The following STAG1 variants were observed in gnomAD, a reference collection of about 807,000 sequenced individuals.
STAG1 encodes the protein cohesin subunit SA-1.
In STAG1, 26 loss-of-function variants were observed where a neutral mutation model predicts 170.9. That is an observed-to-expected ratio of 0.15 (90% CI 0.11 to 0.21). The LOEUF is 0.21. STAG1 is among the 10% of genes least tolerant of loss of function. STAG1 has a pLI of 1.00. For synonymous variants in STAG1, 514 were observed against 497.7 expected (o/e 1.03, Z -0.44); for missense variants, 964 against 1,509.5 (o/e 0.64, Z 5.99).
intron 1 of STAG1, among the ~76,000 whole-genome samples, chr3:136,707,112 G>C (rs1331499768): frequency 6.6e-6 from 1 of 152,160 alleles, no homozygotes; most frequent in Non-Finnish European, 1.5e-5. Flanking sequence ...AAACTCTTAA[G>C]AGAAAACATA....
chr3:136,362,605 C>CAAAAAAAAAAAAAAAAAA (rs1237413699), intron 26 of STAG1, among the ~76,000 whole-genome samples: 10 of 42,324 alleles, frequency 2.4e-4, no homozygotes, highest in Non-Finnish European at 3.5e-4. Flanking sequence ...ATCATCTCTG[C>CAAAAAAAAAAAAAAAAAA]AAAAAAAAAA....
intron 1 of STAG1, among the ~76,000 whole-genome samples, chr3:136,728,977 T>C (rs888409871): frequency 6.6e-6 from 1 of 152,116 alleles, no homozygotes; most frequent in African/African-American, 2.4e-5. Flanking sequence ...GTCTCTTCTG[T>C]AAAGATTCTT....
chr3:136,489,132 A>G (rs2090073534), intron 9 of STAG1, among the ~76,000 whole-genome samples: 1 of 152,252 alleles, frequency 6.6e-6, no homozygotes, highest in Non-Finnish European at 1.5e-5. Flanking sequence ...CTAGAAAAGA[A>G]TAATTCAGGT....
intron 1 of STAG1, among the ~76,000 whole-genome samples, chr3:136,751,817 G>A (rs1051720805): frequency 6.7e-6 from 1 of 149,216 alleles, no homozygotes; most frequent in Non-Finnish European, 1.5e-5. Flanking sequence ...GCGGGGGGGG[G>A]CGGAGGGCGG....
intron 20 of STAG1, among the ~76,000 whole-genome samples, 153 bp downstream of exon 20, chr3:136,420,940 T>G (rs1559790823): frequency 6.6e-6 from 1 of 152,250 alleles, no homozygotes; most frequent in East Asian, 1.9e-4. Context: ...GACACTCTCA[T>G]GCCCAATTTT....
chr3:136,417,188 G>T (rs769484528), intron 21 of STAG1, among the ~76,000 whole-genome samples: 5 of 152,012 alleles, frequency 3.3e-5, no homozygotes, highest in Non-Finnish European at 5.9e-5. Context: ...TGTATCTGTT[G>T]AAATTCTTAC....
chr3:136,505,985 T>A (rs1268207132), intron 7 of STAG1, among the ~76,000 whole-genome samples: 3 of 152,078 alleles, frequency 2.0e-5, no homozygotes, highest in African/African-American at 7.2e-5. Flanking sequence ...AGAAGATACT[T>A]AAAAGGAAGG....
At chr3:136,625,000 T>A (rs1940034409) in intron 2 of STAG1, among the ~76,000 whole-genome samples, 1 of 152,206 alleles carries the variant, frequency 6.6e-6, no homozygotes, top group African/African-American at 2.4e-5. Context: ...GTTAACTTTT[T>A]AAAACAGATA....
chr3:136,376,431 G>A (rs1270914715), intron 23 of STAG1, among the ~76,000 whole-genome samples: 1 of 151,874 alleles, frequency 6.6e-6, no homozygotes, highest in East Asian at 1.9e-4. Context: ...CAAGAGATGA[G>A]GAATCTATCA....
intron 14 of STAG1, among the ~76,000 whole-genome samples, chr3:136,449,899 G>GC (rs1025521660): frequency 1.6e-5 from 2 of 127,838 alleles, no homozygotes; most frequent in Non-Finnish European, 3.3e-5. Flanking sequence ...AACTATTGTT[G>GC]CTTTTTTTTT....
intron 5 of STAG1, among the ~76,000 whole-genome samples, chr3:136,549,340 CA>C (rs1936289832): frequency 6.6e-6 from 1 of 151,472 alleles, no homozygotes; most frequent in Non-Finnish European, 1.5e-5. Context: ...GACAGAGTTT[CA>C]CACTTGTCAC....
intron 20 of STAG1, among the ~76,000 whole-genome samples, chr3:136,418,825 G>T (rs2087859770): frequency 6.6e-6 from 1 of 151,926 alleles, no homozygotes. Context: ...TATTTTTGTA[G>T]ACATGGGGTT....
chr3:136,513,997 T>C (rs1285396915), intron 7 of STAG1, among the ~76,000 whole-genome samples: 1 of 152,070 alleles, frequency 6.6e-6, no homozygotes, highest in Non-Finnish European at 1.5e-5. Flanking sequence ...GCTTCACAAG[T>C]ACACATGACA....
In STAG1 at chr3:136,474,626, G is replaced by A. The variant is rs531020548; in HGVS notation, c.1027-989C>T. Among the ~76,000 whole-genome samples the A allele has an allele frequency of 2.6e-5, 4 of 152,302 alleles. No homozygotes were observed. The South Asian group carries it at 8.3e-4, about 32-fold the overall frequency. On this transcript the variant is annotated intron_variant, in intron 10 of 33. Transcript: ENST00000383202. ...TATGGAGATGCATAATCACTCTTTT[G>A]TAAGCTGATTCAAGCCTACAGTAGC...
intron 21 of STAG1, among the ~76,000 whole-genome samples, chr3:136,409,493 T>A (rs1317859027): frequency 1.3e-5 from 2 of 151,984 alleles, no homozygotes; most frequent in Admixed American, 1.3e-4. Context: ...CACGCCACTA[T>A]GCTCAGCTAA....
rs774610071 is a variant in STAG1 at position 136,338,148 on chromosome 3, C to G, written c.*106G>C. ...TGACCTTAATCATTTGATTAAAAAA[C>G]AAATCAGATCACATCAAAAGTGTTT... On this transcript the variant is annotated 3_prime_UTR_variant, in exon 34 of 34. Coordinates refer to ENST00000383202, the MANE Select transcript of STAG1 (RefSeq NM_005862.3). 4.0e-5 allele frequency: 30 copies of G among 750,982 alleles called. No individual in the cohort carries two copies. Among genetic ancestry groups the G allele is most frequent in the Non-Finnish European group, 3.4e-5 (15 of 441,394 alleles). The allele number at this position is 750,982 out of a possible 1,614,324, so 46.5% of individuals were successfully genotyped here.
intron 1 of STAG1, among the ~76,000 whole-genome samples, chr3:136,690,152 C>T (rs1023056664): frequency 4.1e-5 from 6 of 147,108 alleles, no homozygotes; most frequent in African/African-American, 1.5e-4. Context: ...TAATAGTCAA[C>T]ACAGCTGGTG....
chr3:136,531,907 T>G (rs974500025), intron 6 of STAG1, among the ~76,000 whole-genome samples: 1 of 90,354 alleles, frequency 1.1e-5, no homozygotes, highest in African/African-American at 3.4e-5. Context: ...ACTTAAAGTA[T>G]AAAAAAAAAA....
At chr3:136,353,229 T>C (rs1035946350) in intron 28 of STAG1, among the ~76,000 whole-genome samples, 1 of 152,146 alleles carries the variant, frequency 6.6e-6, no homozygotes, top group Non-Finnish European at 1.5e-5. Context: ...TGGGATACCA[T>C]TAAATATACT....
Sources: gnomAD v4.1 joint callset for allele counts (sites outside exome capture counted in the v4.1 genomes callset) on GRCh38, gnomAD v4.1.1 for gene constraint, MANE v1.5 for transcripts, NCBI Gene and HGNC (gene_info 2026-07-23, HGNC 2026-07-21) for gene names.